LRP12: variants seen among roughly 807,000 people sequenced by gnomAD.
The protein encoded by LRP12 is low-density lipoprotein receptor-related protein 12.
A neutral mutation model predicts 66.0 loss-of-function variants in LRP12; 14 were observed. The observed-to-expected ratio is 0.21, with a 90% CI of 0.14 to 0.33. The LOEUF (loss-of-function observed/expected upper bound fraction) is 0.33. Among genes scored for constraint, LRP12 ranks in the 10% least tolerant of loss-of-function variants. LRP12 has a pLI of 1.00. For synonymous variants in LRP12, 357 were observed against 359.1 expected, an observed-to-expected ratio of 0.99 and a Z score of 0.07; for missense variants, 889 against 1,053.4, an observed-to-expected ratio of 0.84 and a Z score of 2.16.
At chr8:104,556,177 A>AT (rs1167463945) in intron 1 of LRP12, among the ~76,000 whole-genome samples, 3 of 152,216 alleles carry the variant, frequency 2.0e-5, no homozygotes, top group Non-Finnish European at 4.4e-5. Context: ...AGGAAAATTC[A>AT]TAACATTAAC....
intron 1 of LRP12, among the ~76,000 whole-genome samples, chr8:104,577,058 C>T (rs933373665): frequency 3.3e-5 from 5 of 152,122 alleles, no homozygotes; most frequent in African/African-American, 1.2e-4. Context: ...TATATGCACT[C>T]AACACAGGAG....
chr8:104,561,345 T>G (rs918428332), intron 1 of LRP12, among the ~76,000 whole-genome samples: 1 of 152,168 alleles, frequency 6.6e-6, no homozygotes, highest in African/African-American at 2.4e-5. Flanking sequence ...CTACTTTTCA[T>G]AAGACTCAGA....
At chr8:104,576,377 G>A (rs1564149111) in intron 1 of LRP12, among the ~76,000 whole-genome samples, 1 of 152,032 alleles carries the variant, frequency 6.6e-6, no homozygotes, top group Non-Finnish European at 1.5e-5. Context: ...AGAAAAAGCA[G>A]GTCACCTACA....
chr8:104,502,497 C>T (rs954941361), intron 3 of LRP12, among the ~76,000 whole-genome samples: 2 of 152,202 alleles, frequency 1.3e-5, no homozygotes, highest in Non-Finnish European at 1.5e-5. Context: ...TTTCCAGTTA[C>T]TGTCCCATCC....
In LRP12 at chr8:104,495,169, A is replaced by C. The variant is rs1564128413; in HGVS notation, c.1621T>G (p.Leu541Val). 6.2e-7 allele frequency: 1 copy of C among 1,613,854 alleles called. No homozygotes were observed. The highest frequency in any genetic ancestry group is 8.5e-7 in the Non-Finnish European group (1 of 1,179,820). Residue 541 changes from leucine to valine, a missense_variant, in exon 6 of 7, where the codon TTA becomes GTA. Around this residue, in one of 3 missense-constraint regions of LRP12, gnomAD observed 800 missense variants for 964.5 expected, o/e 0.83. Coordinates refer to ENST00000276654, the MANE Select transcript of LRP12 (RefSeq NM_013437.5). ...TACGAGGGAGGAGCTTCTCTTCTTA[A>C]CAATTCTGCTTCCACTCTTGACAAC... The part of the protein sequence containing the change: ...TQLSRVEAEL[L>V]RREAPPSYGQ...
At chr8:104,492,210 T>C (rs73293290) in intron 6 of LRP12, among the ~76,000 whole-genome samples, 2,656 of 151,472 alleles carry the variant, frequency 0.018, 76 homozygotes, top group African/African-American at 0.061. Flanking sequence ...TTTAGATTCC[T>C]TCTTAATCTT....
At position 104,490,479 on chromosome 8, in the gene LRP12, A is replaced by T. The variant is rs1810600674; in HGVS notation, c.*194T>A. On this transcript the variant is annotated 3_prime_UTR_variant, in exon 7 of 7. Coordinates refer to ENST00000276654, the MANE Select transcript of LRP12 (RefSeq NM_013437.5). ...CAATATGAATATGTGATGCATTTTT[A>T]GCTGCTAAAATAGTAAACTCTAAGT... is the stretch of plus-strand genomic sequence containing the variant. 3.5e-6 allele frequency: 2 copies of T among 567,820 alleles called. No homozygotes were observed. The highest frequency in any genetic ancestry group is 6.1e-6 in the Non-Finnish European group (2 of 330,344). The allele number at this position is 567,820 out of a possible 1,614,324, so 35.2% of individuals were successfully genotyped here. A position where few individuals can be genotyped will look rare whatever the true frequency, so the allele number is the denominator to read the frequency against.
intron 3 of LRP12, chr8:104,508,164 A>AC (rs1554706970): frequency 1.3e-5 from 2 of 150,770 alleles, no homozygotes; most frequent in African/African-American, 2.4e-5. Context: ...CATTCGGGCT[A>AC]TTTTTTTTTC....
Position 104,526,817 on chromosome 8 carries a change from C to A in LRP12, c.136+5090G>T, listed in dbSNP as rs1317639721. 9.4e-4 allele frequency among the ~76,000 whole-genome samples: 135 copies of A among 144,032 alleles called. 1 individual carries two copies. The highest frequency in any genetic ancestry group is 2.2e-3 in the African/African-American group (82 of 37,316). 94.5% of individuals were successfully genotyped at this position (144,032 alleles called of 152,430 possible). ...ACACCAAAAGCAATGGCAACAAAAG[C>A]CAAAATTGACAAATGGGATCTAATT... On this transcript the variant is annotated intron_variant, in intron 2 of 6. Coordinates refer to ENST00000276654, the MANE Select transcript of LRP12 (RefSeq NM_013437.5).
At chr8:104,537,405 T>C (rs1811406092) in intron 1 of LRP12, among the ~76,000 whole-genome samples, 1 of 152,108 alleles carries the variant, frequency 6.6e-6, no homozygotes, top group Non-Finnish European at 1.5e-5. Flanking sequence ...TGACACCATA[T>C]AAGAATAGGC....
rs1811249458 is a variant in LRP12 at position 104,526,994 on chromosome 8, A to ACAAAACCC, written c.136+4905_136+4912dup. On this transcript the variant is annotated intron_variant, in intron 2 of 6. Transcript: ENST00000276654. ...ACTCAAACAAATTTACAAGAAAAAA[A>ACAAAACCC]CAAAACCCCATCAAAAAGTGGGCAA... is the stretch of plus-strand genomic sequence containing the variant. Among the ~76,000 whole-genome samples the ACAAAACCC allele has an allele frequency of 2.0e-5, 3 of 149,620 alleles. No individual in the cohort carries two copies. In the South Asian group the frequency reaches 6.2e-4, roughly 31 times the overall value.
chr8:104,524,641 T>A (rs1811202708), intron 2 of LRP12, among the ~76,000 whole-genome samples: 1 of 152,204 alleles, frequency 6.6e-6, no homozygotes, highest in Non-Finnish European at 1.5e-5. Flanking sequence ...CAAATGCATA[T>A]ACAATTATTT....
intron 1 of LRP12, among the ~76,000 whole-genome samples, chr8:104,542,994 A>AATATATAT (rs149279085): frequency 0.01 from 1,468 of 144,118 alleles, 39 homozygotes; most frequent in African/African-American, 0.037. Flanking sequence ...AACACACACA[A>AATATATAT]ATATATATAT....
At chr8:104,525,156 T>G (rs1811213541) in intron 2 of LRP12, among the ~76,000 whole-genome samples, 1 of 152,114 alleles carries the variant, frequency 6.6e-6, no homozygotes, top group East Asian at 1.9e-4. Context: ...ATGATTTTCA[T>G]ATATTATTAA....
At position 104,571,384 on chromosome 8, in the gene LRP12, T is replaced by C. The variant is rs958238760; in HGVS notation, c.79+17435A>G. 3.9e-5 allele frequency among the ~76,000 whole-genome samples: 6 copies of C among 152,170 alleles called. 1 individual carries two copies. The highest frequency in any genetic ancestry group is 8.8e-5 in the Non-Finnish European group (6 of 67,990). Reference sequence around the variant, plus strand: ...CCCAAAATCTCATCTTGAATTATAATCCCCATAATCTTTATAATCCCCATG... The same window carrying C: ...CCCAAAATCTCATCTTGAATTATAACCCCCATAATCTTTATAATCCCCATG... On this transcript the variant is annotated intron_variant, in intron 1 of 6. Coordinates refer to ENST00000276654, the MANE Select transcript of LRP12 (RefSeq NM_013437.5).
At chr8:104,556,345 A>G (rs1332053607) in intron 1 of LRP12, among the ~76,000 whole-genome samples, 2 of 152,146 alleles carry the variant, frequency 1.3e-5, no homozygotes, top group Admixed American at 1.3e-4. Flanking sequence ...CAAAATATAT[A>G]TAAACAAAAA....
chr8:104,525,014 A>T (rs1488694997), intron 2 of LRP12, among the ~76,000 whole-genome samples: 1 of 152,126 alleles, frequency 6.6e-6, no homozygotes, highest in African/African-American at 2.4e-5. Context: ...ATGAGCAGTA[A>T]TTTGGTAATT....
At chr8:104,530,440 A>C (rs1811308727) in intron 2 of LRP12, among the ~76,000 whole-genome samples, 1 of 152,192 alleles carries the variant, frequency 6.6e-6, no homozygotes. Flanking sequence ...CTTTCTCTGA[A>C]CATTCATAGA....
chr8:104,572,514 C>T (rs946749499), intron 1 of LRP12, among the ~76,000 whole-genome samples: 2 of 152,076 alleles, frequency 1.3e-5, no homozygotes, highest in African/African-American at 2.4e-5. Context: ...AGCAGTACAG[C>T]ATGAAACCAA....
Sources: gnomAD v4.1 joint callset for allele counts (sites outside exome capture counted in the v4.1 genomes callset) on GRCh38, gnomAD v4.1.1 for gene constraint, gnomAD v4.1.1 regional missense constraint, MANE v1.5 for transcripts, NCBI Gene and HGNC (gene_info 2026-07-23, HGNC 2026-07-21) for gene names.